Variants in CSMD1 observed in about 807,000 individuals in gnomAD.
The protein encoded by CSMD1 is CUB and Sushi multiple domains 1, also known as CUB and sushi domain-containing protein 1.
CSMD1 carries 213 observed loss-of-function variants against 417.5 expected under a neutral mutation model. The observed-to-expected ratio is 0.51, with a 90% confidence interval of 0.46 to 0.57. The LOEUF (loss-of-function observed/expected upper bound fraction) is 0.57. Among genes scored for constraint, CSMD1 ranks in the 20% least tolerant of loss-of-function variants. The pLI is 0.00. For synonymous variants in CSMD1, 2,862 were observed against 1,736.8 expected, an observed-to-expected ratio of 1.65 and a Z score of -16.11; for missense variants, 6,923 against 4,529.7, an observed-to-expected ratio of 1.53 and a Z score of -15.17.
In CSMD1 at chr8:4,788,315, G is replaced by C. The variant is rs1231863877; in HGVS notation, c.86-150757C>G. The C allele has an allele frequency of 5.1e-6, 8 of 1,574,500 alleles. No homozygotes were observed. In the African/African-American group the frequency reaches 6.7e-5, roughly 13 times the overall value. ...CAGTGGCAGGCAGAAGTAATGGTTT[G>C]GGACCAGTGATGTCTGGGAACACTG... On this transcript the variant is annotated intron_variant, in intron 1 of 69. Coordinates refer to ENST00000635120, the MANE Select transcript of CSMD1 (RefSeq NM_033225.6).
At chr8:4,895,046 A>G (rs1290256022) in intron 1 of CSMD1, among the ~76,000 whole-genome samples, 2 of 152,176 alleles carry the variant, frequency 1.3e-5, no homozygotes, top group African/African-American at 4.8e-5. Context: ...TGATAAGAAT[A>G]TCTGTTTTGT....
At chr8:4,503,784 C>G (rs1030532) in intron 2 of CSMD1, among the ~76,000 whole-genome samples, 150,644 of 152,190 alleles carry the variant, frequency 0.99, 74,567 homozygotes, top group East Asian at 1. Context: ...CTATCAGGCA[C>G]TGTGACAATG....
intron 3 of CSMD1, among the ~76,000 whole-genome samples, chr8:4,110,307 A>G (rs910509711): frequency 7.2e-5 from 11 of 152,216 alleles, no homozygotes; most frequent in Non-Finnish European, 1.3e-4. Context: ...TTTATCCACC[A>G]TTTCCCAGGA....
At chr8:3,857,982 G>T (rs1159702325) in intron 5 of CSMD1, among the ~76,000 whole-genome samples, 1 of 152,180 alleles carries the variant, frequency 6.6e-6, no homozygotes, top group African/African-American at 2.4e-5. Flanking sequence ...AAATTGTTCG[G>T]CATGGTGCGG....
intron 3 of CSMD1, among the ~76,000 whole-genome samples, chr8:4,297,699 C>A (rs1273260330): frequency 6.6e-6 from 1 of 152,116 alleles, no homozygotes; most frequent in Non-Finnish European, 1.5e-5. Context: ...TAACCCGGAG[C>A]CATCGGTGAT....
intron 3 of CSMD1, among the ~76,000 whole-genome samples, chr8:4,160,317 A>G (rs187642441): frequency 9.1e-4 from 138 of 152,314 alleles, no homozygotes; most frequent in Non-Finnish European, 7.3e-5. Context: ...CAACAAGCAT[A>G]AAAATAAAAT....
intron 5 of CSMD1, among the ~76,000 whole-genome samples, chr8:3,814,483 A>G (rs1045528304): frequency 6.6e-6 from 1 of 152,200 alleles, no homozygotes; most frequent in African/African-American, 2.4e-5. Flanking sequence ...ATAGCTTTCA[A>G]CTGTGGCCGA....
intron 5 of CSMD1, among the ~76,000 whole-genome samples, chr8:3,814,397 G>T (rs75400633): frequency 6.6e-6 from 1 of 152,144 alleles, no homozygotes; most frequent in Non-Finnish European, 1.5e-5. Flanking sequence ...CTATATCAGG[G>T]AGTAAACTTA....
chr8:4,336,185 C>T (rs80239865), intron 3 of CSMD1, among the ~76,000 whole-genome samples: 7,278 of 152,246 alleles, frequency 0.048, 219 homozygotes, highest in Middle Eastern at 0.14. Flanking sequence ...GCGGTCAGCG[C>T]TGGTTGACTC....
At chr8:4,880,413 G>A (rs550556636) in intron 1 of CSMD1, among the ~76,000 whole-genome samples, 4 of 152,012 alleles carry the variant, frequency 2.6e-5, no homozygotes, top group African/African-American at 7.3e-5. Flanking sequence ...TCAGAGTATC[G>A]TAGGACTCCT....
In CSMD1 at chr8:3,464,208, A is replaced by G. The variant is rs551798863; in HGVS notation, c.1561+4504T>C. Among the ~76,000 whole-genome samples the G allele has an allele frequency of 7.9e-5, 12 of 151,688 alleles. 1 individual carries two copies. The East Asian group carries it at 1.9e-3, about 24-fold the overall frequency. On this transcript the variant is annotated intron_variant, in intron 12 of 69. Coordinates refer to ENST00000635120, the MANE Select transcript of CSMD1 (RefSeq NM_033225.6). ...AACTAGTGTGATGAACTCGAACCGA[A>G]TTTTTTTTTGTAACCAAAAATGCTT...
intron 3 of CSMD1, among the ~76,000 whole-genome samples, chr8:4,301,156 G>A (rs1299796446): frequency 6.6e-6 from 1 of 152,152 alleles, no homozygotes; most frequent in Non-Finnish European, 1.5e-5. Context: ...GCATTGTTGT[G>A]ATGGAAAAGA....
At chr8:4,535,175 A>G (rs1158230045) in intron 2 of CSMD1, among the ~76,000 whole-genome samples, 2 of 152,236 alleles carry the variant, frequency 1.3e-5, no homozygotes, top group African/African-American at 2.4e-5. Context: ...AGTATAATCT[A>G]TATAAGGTAT....
At chr8:3,654,012 C>A (rs974062139) in intron 7 of CSMD1, among the ~76,000 whole-genome samples, 4 of 152,098 alleles carry the variant, frequency 2.6e-5, no homozygotes, top group Admixed American at 2.6e-4. Flanking sequence ...ATGTGAAAAG[C>A]AAATGTCACT....
rs562655602 is a variant in CSMD1, at chr8:3,836,177, T to C, written c.819-82135A>G. On this transcript the variant is annotated intron_variant, in intron 5 of 69. Coordinates refer to ENST00000635120, the MANE Select transcript of CSMD1 (RefSeq NM_033225.6). ...CTATATTCATTGTCTCAGTTTATTA[T>C]AGATTTTTCCACTTGTTTATTTTGA... Among the ~76,000 whole-genome samples, 22 of 152,328 alleles carry C rather than the reference T, an allele frequency of 1.4e-4. No individual in the cohort carries two copies. The South Asian group carries it at 2.1e-3, about 14-fold the overall frequency.
chr8:4,233,420 A>G (rs754534821), intron 3 of CSMD1, among the ~76,000 whole-genome samples: 3 of 152,082 alleles, frequency 2.0e-5, no homozygotes, highest in Non-Finnish European at 2.9e-5. Context: ...TGTGTTGAAA[A>G]CCTGACCCCG....
At chr8:3,395,788 C>T (rs1811654663) in intron 17 of CSMD1, among the ~76,000 whole-genome samples, 1 of 152,124 alleles carries the variant, frequency 6.6e-6, no homozygotes, top group Non-Finnish European at 1.5e-5. Flanking sequence ...CACAAATTGA[C>T]CTAACCCTGT....
intron 1 of CSMD1, among the ~76,000 whole-genome samples, chr8:4,736,339 G>C (rs191151364): frequency 1.7e-4 from 26 of 152,284 alleles, no homozygotes; most frequent in Admixed American, 1.3e-3. Flanking sequence ...GAGATATTCA[G>C]ATAATAAGGA....
chr8:4,491,249 A>G (rs2130212596), intron 2 of CSMD1, among the ~76,000 whole-genome samples: 1 of 152,296 alleles, frequency 6.6e-6, no homozygotes, highest in African/African-American at 2.4e-5. Context: ...GAAGAAAGAA[A>G]TGAATTTAGA....
Sources: gnomAD v4.1 joint callset for allele counts (sites outside exome capture counted in the v4.1 genomes callset) on GRCh38, gnomAD v4.1.1 for gene constraint, MANE v1.5 for transcripts, NCBI Gene and HGNC (gene_info 2026-07-23, HGNC 2026-07-21) for gene names.